Variants in C16orf78 observed in about 807,000 individuals in gnomAD.
The protein encoded by C16orf78 is chromosome 16 open reading frame 78, also known as uncharacterized protein C16orf78.
In C16orf78, 19 loss-of-function variants were observed where a neutral mutation model predicts 27.3. That is an observed-to-expected ratio of 0.70 (90% CI 0.49 to 1.02). The LOEUF (loss-of-function observed/expected upper bound fraction) is 1.02, where lower values mean the gene tolerates loss of function less well. C16orf78 is among the 50% of genes least tolerant of loss of function. C16orf78 has a pLI of 0.00. For synonymous variants in C16orf78, 130 were observed against 116.1 expected, an observed-to-expected ratio of 1.12 and a Z score of -0.77; for missense variants, 339 against 337.0, an observed-to-expected ratio of 1.01 and a Z score of -0.05.
chr16:49,382,757 G>A (rs143183126), intron 3 of C16orf78, among the ~76,000 whole-genome samples: 167 of 152,202 alleles, frequency 1.1e-3, no homozygotes, highest in South Asian at 2.7e-3. Flanking sequence ...TTCCTCACCC[G>A]AGTCCTGGTA....
chr16:49,382,845 C>T (rs1965304216), intron 3 of C16orf78, among the ~76,000 whole-genome samples: 1 of 152,180 alleles, frequency 6.6e-6, no homozygotes, highest in Non-Finnish European at 1.5e-5. Context: ...AACACTTTCC[C>T]ATTGGCTTTT....
chr16:49,384,747 G>C (rs1965327743), intron 3 of C16orf78, among the ~76,000 whole-genome samples: 1 of 152,190 alleles, frequency 6.6e-6, no homozygotes, highest in Non-Finnish European at 1.5e-5. Flanking sequence ...ACATATTATA[G>C]CTAAATTGTC....
intron 4 of C16orf78, 56 bp from the exon 5 acceptor site, chr16:49,399,075 T>C (rs1209752278): frequency 4.4e-6 from 7 of 1,573,858 alleles, no homozygotes; most frequent in African/African-American, 1.3e-5. Context: ...TTCAATAAAG[T>C]TAGAAGCTGC....
intron 3 of C16orf78, among the ~76,000 whole-genome samples, chr16:49,394,303 C>A (rs969608960): frequency 1.3e-5 from 2 of 151,986 alleles, no homozygotes; most frequent in African/African-American, 4.8e-5. Flanking sequence ...AAATTTTTAG[C>A]AAACATACTC....
intron 1 of C16orf78, 112 bp downstream of exon 1, chr16:49,374,201 G>C (rs1965189025): frequency 7.6e-7 from 1 of 1,313,240 alleles, no homozygotes. Context: ...GTTTTGAAGT[G>C]CTGGGATAAG....
At chr16:49,379,997 G>A (rs1479397545) in intron 3 of C16orf78, among the ~76,000 whole-genome samples, 2 of 152,194 alleles carry the variant, frequency 1.3e-5, no homozygotes, top group East Asian at 3.9e-4. Context: ...GCAGAAGTTG[G>A]AAGGATCAGA....
At chr16:49,381,739 G>T (rs529131732) in intron 3 of C16orf78, among the ~76,000 whole-genome samples, 6 of 151,104 alleles carry the variant, frequency 4.0e-5, no homozygotes, top group African/African-American at 1.5e-4. Flanking sequence ...AGTTAGAATG[G>T]CAATCATTAA....
At chr16:49,389,425 C>CA (rs34759541) in intron 3 of C16orf78, among the ~76,000 whole-genome samples, 41,590 of 140,908 alleles carry the variant, frequency 0.3, 8,179 homozygotes, top group African/African-American at 0.57. Flanking sequence ...GACTCCATCT[C>CA]AAAAAAAAAA....
In C16orf78 at chr16:49,382,240, A is replaced by T. The variant is rs1965294744; in HGVS notation, c.394+3647A>T. On this transcript the variant is annotated intron_variant, in intron 3 of 4. Coordinates refer to ENST00000299191, the MANE Select transcript of C16orf78 (RefSeq NM_144602.4). The stretch of plus-strand genomic sequence containing the variant: ...GAGATCACATGGACACAGGAAGGGG[A>T]ACGTCACACTCTGGGGACTGTTGTG... Among the ~76,000 whole-genome samples, 3 of 152,052 alleles carry T rather than the reference A, an allele frequency of 2.0e-5. No individual in the cohort carries two copies. In the South Asian group the frequency reaches 6.2e-4, roughly 32 times the overall value.
chr16:49,385,709 C>A (rs1447233784), intron 3 of C16orf78, among the ~76,000 whole-genome samples: 1 of 150,216 alleles, frequency 6.7e-6, no homozygotes, highest in African/African-American at 2.4e-5. Context: ...AGAAAACAAA[C>A]CTGTAGCAAA....
At chr16:49,398,411 T>C (rs1433877083) in intron 4 of C16orf78, among the ~76,000 whole-genome samples, 1 of 152,222 alleles carries the variant, frequency 6.6e-6, no homozygotes, top group Non-Finnish European at 1.5e-5. Flanking sequence ...TTGATCCCAT[T>C]CTTCAGTATC....
chr16:49,378,710 T>C (rs1965252781), intron 3 of C16orf78, 117 bp downstream of exon 3: 1 of 1,457,864 alleles, frequency 6.9e-7, no homozygotes, highest in Non-Finnish European at 9.2e-7. Flanking sequence ...AATCCAACCA[T>C]TGTGCACACA....
intron 3 of C16orf78, among the ~76,000 whole-genome samples, chr16:49,382,534 C>A (rs1036886469): frequency 6.6e-6 from 1 of 152,134 alleles, no homozygotes; most frequent in Non-Finnish European, 1.5e-5. Context: ...AGTCCTTTAT[C>A]CCCTGCCACC....
intron 1 of C16orf78, among the ~76,000 whole-genome samples, chr16:49,376,861 G>C (rs750281804): frequency 2.6e-5 from 4 of 152,150 alleles, no homozygotes; most frequent in Non-Finnish European, 5.9e-5. Context: ...GCCGTGGATA[G>C]AGCAGGAATC....
Position 49,399,267 on chromosome 16 carries a change from A to G in C16orf78, c.787A>G (p.Met263Val). The G allele has an allele frequency of 6.2e-7, 1 of 1,614,148 alleles. No homozygotes were observed. The highest frequency in any genetic ancestry group is 8.5e-7 in the Non-Finnish European group (1 of 1,180,016). Reference sequence around the variant, plus strand: ...AAAGGTGTTCACCGGAATACCCAGCATGGCCCTCTAAATAGCTCCTCTCGC... The same window carrying G: ...AAAGGTGTTCACCGGAATACCCAGCGTGGCCCTCTAAATAGCTCCTCTCGC... Reference protein sequence around the residue: ...AKKVFTGIPSMAL With the variant: ...AKKVFTGIPSVAL The change falls in exon 5 of 5, where the codon ATG becomes GTG. Residue 263 changes from methionine (M) to valine (V), a missense_variant. Physicochemically the swap from Met to Val is conservative, Grantham distance 21. Coordinates refer to ENST00000299191, the MANE Select transcript of C16orf78 (RefSeq NM_144602.4).
At chr16:49,385,702 A>C (rs1965342307) in intron 3 of C16orf78, among the ~76,000 whole-genome samples, 1 of 152,142 alleles carries the variant, frequency 6.6e-6, no homozygotes, top group African/African-American at 2.4e-5. Flanking sequence ...TAACCACAGA[A>C]AACAAACCTG....
chr16:49,385,429 T>C (rs1965336984), intron 3 of C16orf78, among the ~76,000 whole-genome samples: 1 of 152,116 alleles, frequency 6.6e-6, no homozygotes, highest in Non-Finnish European at 1.5e-5. Context: ...TCCCAACACT[T>C]TGGGAGGCCG....
Position 49,396,695 on chromosome 16 carries a change from C to A in C16orf78, c.650+17C>A, listed in dbSNP as rs750571571. 8.1e-6 allele frequency: 13 copies of A among 1,601,308 alleles called. No individual in the cohort carries two copies. The highest frequency in any genetic ancestry group is 6.7e-5 in the African/African-American group (5 of 74,808). The stretch of plus-strand genomic sequence containing the variant: ...GAGCTGCCGGTGAGAGCTGCCACCC[C>A]CTGGGCAGATGGGGTGGGGTCCTGG... On this transcript the variant is annotated intron_variant, in intron 4 of 4. Transcript: ENST00000299191.
At position 49,380,951 on chromosome 16, in the gene C16orf78, G is replaced by A. The variant is rs796520428; in HGVS notation, c.394+2358G>A. ...AAAGATCAGATAGTTGTAGATATGC[G>A]GCATTATTTCTGAGGGCTCTGTTCT... On this transcript the variant is annotated intron_variant, in intron 3 of 4. Coordinates refer to ENST00000299191, the MANE Select transcript of C16orf78 (RefSeq NM_144602.4). Among the ~76,000 whole-genome samples, 90 of 151,498 alleles carry A rather than the reference G, an allele frequency of 5.9e-4. 1 individual carries two copies. Among genetic ancestry groups the A allele is most frequent in the African/African-American group, 2.1e-3 (86 of 41,150 alleles).
Sources: gnomAD v4.1 joint callset for allele counts (sites outside exome capture counted in the v4.1 genomes callset) on GRCh38, gnomAD v4.1.1 for gene constraint, MANE v1.5 for transcripts, NCBI Gene and HGNC (gene_info 2026-07-23, HGNC 2026-07-21) for gene names.